The following CSMD1 variants were observed in gnomAD, a reference collection of about 807,000 sequenced individuals.
The protein encoded by CSMD1 is CUB and sushi domain-containing protein 1.
In CSMD1, 213 loss-of-function variants were observed where a neutral mutation model predicts 417.5. That is an observed-to-expected ratio of 0.51 (90% CI 0.46 to 0.57). The LOEUF (loss-of-function observed/expected upper bound fraction) is 0.57. CSMD1 is among the 20% of genes least tolerant of loss of function. The pLI is 0.00. For missense variants in CSMD1, 6,923 were observed against 4,529.7 expected (o/e 1.53, Z -15.17); for synonymous variants, 2,862 against 1,736.8 (o/e 1.65, Z -16.11).
At chr8:3,277,870 A>G (rs1395788035) in intron 26 of CSMD1, among the ~76,000 whole-genome samples, 1 of 152,340 alleles carries the variant, frequency 6.6e-6, no homozygotes, top group East Asian at 1.9e-4. Context: ...GGAATTGCCA[A>G]CATTCCATCA....
intron 17 of CSMD1, among the ~76,000 whole-genome samples, chr8:3,395,544 G>T (rs1310985675): frequency 6.6e-6 from 1 of 152,108 alleles, no homozygotes; most frequent in Admixed American, 6.5e-5. Context: ...AACAAGGGCA[G>T]GAAAACTTTC....
intron 1 of CSMD1, among the ~76,000 whole-genome samples, chr8:4,847,309 T>A (rs1310902800): frequency 1.3e-5 from 2 of 152,214 alleles, no homozygotes; most frequent in African/African-American, 4.8e-5. Context: ...GCATAAATAA[T>A]TTCAGACAAC....
intron 57 of CSMD1, among the ~76,000 whole-genome samples, chr8:2,970,129 G>C (rs1804313885): frequency 6.6e-6 from 1 of 152,124 alleles, no homozygotes; most frequent in Admixed American, 6.6e-5. Flanking sequence ...GAGTTAGATA[G>C]ATTGGGAAGT....
intron 3 of CSMD1, among the ~76,000 whole-genome samples, chr8:4,364,053 TTGTC>T (rs1296950256): frequency 6.6e-6 from 1 of 152,198 alleles, no homozygotes; most frequent in Non-Finnish European, 1.5e-5. Flanking sequence ...TATAATTGAA[TTGTC>T]TGTAACAGAA....
At chr8:4,068,066 G>T (rs1035639) in intron 3 of CSMD1, among the ~76,000 whole-genome samples, 115,275 of 151,694 alleles carry the variant, frequency 0.76, 44,090 homozygotes, top group Non-Finnish European at 0.8. Flanking sequence ...GGCGACAGAG[G>T]GAGACAACGT....
intron 6 of CSMD1, among the ~76,000 whole-genome samples, chr8:3,747,123 G>T (rs868773107): frequency 6.6e-6 from 1 of 152,234 alleles, no homozygotes; most frequent in Non-Finnish European, 1.5e-5. Flanking sequence ...CAGTTGTAAA[G>T]ACTGACATGA....
At chr8:4,422,416 T>C (rs1797298582) in intron 2 of CSMD1, among the ~76,000 whole-genome samples, 1 of 152,078 alleles carries the variant, frequency 6.6e-6, no homozygotes, top group Admixed American at 6.6e-5. Context: ...TATAGTTAAA[T>C]GATGTCAAAT....
intron 2 of CSMD1, among the ~76,000 whole-genome samples, chr8:4,614,245 A>T (rs1006745117): frequency 1.3e-5 from 2 of 152,202 alleles, no homozygotes; most frequent in Admixed American, 6.5e-5. Flanking sequence ...GATGGACCCA[A>T]GACTAGTTCA....
chr8:3,527,023 T>A (rs1157201621), intron 10 of CSMD1, among the ~76,000 whole-genome samples: 1 of 152,074 alleles, frequency 6.6e-6, no homozygotes, highest in Non-Finnish European at 1.5e-5. Flanking sequence ...CTACTCAGAA[T>A]GTGGCTGGGC....
chr8:3,518,573 A>C (rs1585292109), intron 10 of CSMD1, among the ~76,000 whole-genome samples: 1 of 152,360 alleles, frequency 6.6e-6, no homozygotes, highest in Non-Finnish European at 1.5e-5. Flanking sequence ...AAAGTAAATT[A>C]GAATGCAACA....
Position 3,178,948 on chromosome 8 carries a change from C to CT in CSMD1, c.5725+2161dup, listed in dbSNP as rs11347913. Among the ~76,000 whole-genome samples, 1,152 of 135,110 alleles carry CT rather than the reference C, an allele frequency of 8.5e-3. 10 individuals are homozygous for CT. Among genetic ancestry groups the CT allele is most frequent in the African/African-American group, 0.024 (849 of 35,862 alleles). 88.6% of individuals were successfully genotyped at this position (135,110 alleles called of 152,430 possible). The stretch of plus-strand genomic sequence containing the variant: ...CAAATACTTTCTATAATCTATATTT[C>CT]TTTTTTTTTTTTTTTTTGAGACGGA... On this transcript the variant is annotated intron_variant, in intron 37 of 69. Transcript: ENST00000635120.
Position 4,738,387 on chromosome 8 carries a change from T to G in CSMD1, c.86-100829A>C, listed in dbSNP as rs79925490. On this transcript the variant is annotated intron_variant, in intron 1 of 69. Transcript: ENST00000635120. ...TCGTAGCAAAAGGGCAGCAAACATGTTTTTCAAATGGTGGCAGAAGGAGAA... is the reference window on the plus strand; with the variant it reads ...TCGTAGCAAAAGGGCAGCAAACATGGTTTTCAAATGGTGGCAGAAGGAGAA... Among the ~76,000 whole-genome samples, 401 of 152,168 alleles carry G rather than the reference T, an allele frequency of 2.6e-3. 1 individual carries two copies. Among genetic ancestry groups the G allele is most frequent in the African/African-American group, 9.0e-3 (374 of 41,506 alleles).
chr8:4,700,313 G>C (rs749029534), intron 1 of CSMD1, among the ~76,000 whole-genome samples: 3 of 151,642 alleles, frequency 2.0e-5, no homozygotes, highest in Non-Finnish European at 2.9e-5. Flanking sequence ...ATGTTTTAAA[G>C]GATTATTTTA....
intron 7 of CSMD1, among the ~76,000 whole-genome samples, chr8:3,698,980 C>T (rs1459218830): frequency 2.6e-5 from 4 of 152,202 alleles, no homozygotes; most frequent in Non-Finnish European, 5.9e-5. Context: ...GGTCCTCACT[C>T]CATTCTCCTT....
At chr8:3,769,109 T>C (rs991385943) in intron 5 of CSMD1, among the ~76,000 whole-genome samples, 4 of 152,212 alleles carry the variant, frequency 2.6e-5, no homozygotes, top group Admixed American at 1.3e-4. Context: ...GAGATGACTT[T>C]TCCTTATTAG....
At chr8:4,700,692 A>G (rs866540032) in intron 1 of CSMD1, among the ~76,000 whole-genome samples, 6 of 152,244 alleles carry the variant, frequency 3.9e-5, no homozygotes, top group African/African-American at 1.4e-4. Flanking sequence ...CTACCTGTAT[A>G]TGATATTCAG....
At chr8:3,225,178 T>G (rs776138506) in intron 27 of CSMD1, among the ~76,000 whole-genome samples, 14 of 151,704 alleles carry the variant, frequency 9.2e-5, no homozygotes, top group Non-Finnish European at 1.6e-4. Flanking sequence ...CTTTAAATAC[T>G]TATTTAACAT....
At chr8:4,129,084 AAAAAAAAACAAAAC>A (rs1224869471) in intron 3 of CSMD1, among the ~76,000 whole-genome samples, 1 of 151,164 alleles carries the variant, frequency 6.6e-6, no homozygotes, top group Non-Finnish European at 1.5e-5. Flanking sequence ...CAAAAAAAAA[AAAAAAAAACAAAAC>A]AAAAAAAACA....
intron 11 of CSMD1, among the ~76,000 whole-genome samples, chr8:3,476,796 T>G (rs913639907): frequency 3.3e-5 from 5 of 151,432 alleles, no homozygotes; most frequent in African/African-American, 1.2e-4. Context: ...CAGACATCTG[T>G]AATCCCAGCT....
Sources: allele counts gnomAD v4.1 joint callset (sites outside exome capture counted in the v4.1 genomes callset), GRCh38; gene constraint gnomAD v4.1.1; transcripts MANE v1.5; gene names NCBI Gene and HGNC (gene_info 2026-07-23, HGNC 2026-07-21).